Variants in CCDC146 observed in about 807,000 individuals in gnomAD.
CCDC146 encodes the protein coiled-coil domain containing 146.
A neutral mutation model predicts 119.3 loss-of-function variants in CCDC146; 92 were observed. The ratio of observed to expected loss-of-function variants is 0.77; its 90% confidence interval spans 0.65 to 0.92. CCDC146 has a LOEUF of 0.92. Among genes scored for constraint, CCDC146 ranks in the 40% least tolerant of loss-of-function variants. The pLI is 0.00. For synonymous variants in CCDC146, 372 were observed against 371.8 expected, an observed-to-expected ratio of 1.00 and a Z score of -0.01; for missense variants, 1,000 against 1,103.0, an observed-to-expected ratio of 0.91 and a Z score of 1.32.
rs370820524 is a variant in CCDC146, at chr7:77,142,395, TATGTATACATGTGCCATGTGTAC to T, written c.-12+19700_-12+19722del. Among the ~76,000 whole-genome samples the T allele has an allele frequency of 7.1e-3, 1,073 of 151,490 alleles. 52 individuals carry two copies. The East Asian group carries it at 0.14, about 20-fold the overall frequency. On this transcript the variant is annotated intron_variant, in intron 1 of 18. Coordinates refer to ENST00000285871, the MANE Select transcript of CCDC146 (RefSeq NM_020879.3). Reference sequence around the variant, plus strand: ...GTGCACAACGTGCAGGTTTGTTACATATGTATACATGTGCCATGTGTACATGTATACATGTGCCATGTGTACAT... The same window carrying T: ...GTGCACAACGTGCAGGTTTGTTACATATGTATACATGTGCCATGTGTACAT...
intron 11 of CCDC146, among the ~76,000 whole-genome samples, chr7:77,274,877 G>A (rs1229804745): frequency 6.6e-6 from 1 of 152,156 alleles, no homozygotes; most frequent in Non-Finnish European, 1.5e-5. Flanking sequence ...GGGGCCTGTT[G>A]TGGGGTGAGG....
At chr7:77,179,293 T>C (rs1353086253) in intron 2 of CCDC146, among the ~76,000 whole-genome samples, 4 of 152,038 alleles carry the variant, frequency 2.6e-5, no homozygotes, top group African/African-American at 4.8e-5. Context: ...ATAAAATATA[T>C]ACATAGTACA....
chr7:77,259,951 T>C (rs1224232179), intron 7 of CCDC146, 58 bp from the exon 8 acceptor site: 16 of 41,770 alleles, frequency 3.8e-4, no homozygotes, highest in African/African-American at 3.5e-3. Flanking sequence ...TGTGTGTGTG[T>C]GTGTGTGTGT....
At chr7:77,238,686 G>A (rs1402047005) in intron 3 of CCDC146, among the ~76,000 whole-genome samples, 1 of 152,118 alleles carries the variant, frequency 6.6e-6, no homozygotes, top group Non-Finnish European at 1.5e-5. Flanking sequence ...CAAAGTGCTG[G>A]GATTACAGGC....
chr7:77,125,327 CA>C (rs1480762760), intron 1 of CCDC146, among the ~76,000 whole-genome samples: 1 of 150,436 alleles, frequency 6.6e-6, no homozygotes, highest in Non-Finnish European at 1.5e-5. Flanking sequence ...AGAATATATA[CA>C]AAATTGCACG....
rs757008063 is a variant in CCDC146, at chr7:77,292,998, T to C, written c.2462T>C (p.Met821Thr). 1 of 1,613,978 alleles carries C rather than the reference T, an allele frequency of 6.2e-7. No individual in the cohort carries two copies. Among genetic ancestry groups the C allele is most frequent in the Non-Finnish European group, 8.5e-7 (1 of 1,179,958 alleles). Reference protein sequence around the residue: ...RRIKNATEKMMALVAELSMKQ... With the variant: ...RRIKNATEKMTALVAELSMKQ... ...ATCAAAAATGCAACTGAGAAAATGATGGCTCTTGTTGCTGAGCTGTCCATG... is the reference window on the plus strand; with the variant it reads ...ATCAAAAATGCAACTGAGAAAATGACGGCTCTTGTTGCTGAGCTGTCCATG... The change falls in exon 18 of 19, where the codon ATG becomes ACG. Residue 821 changes from methionine (M) to threonine (T), a missense_variant. Physicochemically the swap from Met to Thr is moderately conservative, Grantham distance 81 (BLOSUM62 -1). Coordinates refer to ENST00000285871, the MANE Select transcript of CCDC146 (RefSeq NM_020879.3).
At chr7:77,227,962 A>T (rs751752076) in intron 2 of CCDC146, among the ~76,000 whole-genome samples, 3 of 152,202 alleles carry the variant, frequency 2.0e-5, no homozygotes, top group Non-Finnish European at 2.9e-5. Flanking sequence ...GTAAAATAAG[A>T]TCATCTTCTA....
intron 2 of CCDC146, chr7:77,199,720 T>C (rs1196137325): frequency 6.2e-7 from 1 of 1,614,138 alleles, no homozygotes; most frequent in Non-Finnish European, 8.5e-7. Flanking sequence ...CTCTGTTTCA[T>C]TGTTTGCCAC....
chr7:77,188,001 G>A (rs967033413), intron 2 of CCDC146, among the ~76,000 whole-genome samples: 5 of 152,170 alleles, frequency 3.3e-5, no homozygotes, highest in South Asian at 2.1e-4. Flanking sequence ...TTCAAACTGC[G>A]TTCAAAATAA....
At chr7:77,267,063 T>C (rs1793419873) in intron 9 of CCDC146, among the ~76,000 whole-genome samples, 1 of 150,612 alleles carries the variant, frequency 6.6e-6, no homozygotes, top group Admixed American at 6.6e-5. Flanking sequence ...ACCGTGTCGG[T>C]TCACTGCAAC....
intron 1 of CCDC146, among the ~76,000 whole-genome samples, chr7:77,151,546 G>A (rs377371417): frequency 3.3e-5 from 5 of 152,038 alleles, no homozygotes; most frequent in African/African-American, 1.2e-4. Context: ...AACTGTCAAC[G>A]TTTGTAAAAT....
chr7:77,209,457 C>T (rs1792141981), intron 2 of CCDC146, among the ~76,000 whole-genome samples: 1 of 152,336 alleles, frequency 6.6e-6, no homozygotes, highest in Non-Finnish European at 1.5e-5. Context: ...AGCCCCTGCA[C>T]CTGCTTTCAT....
intron 9 of CCDC146, among the ~76,000 whole-genome samples, chr7:77,271,364 A>G (rs983729012): frequency 1.3e-5 from 2 of 151,044 alleles, no homozygotes; most frequent in Admixed American, 6.6e-5. Flanking sequence ...TCGGACTCCA[A>G]GTTTCTTCAG....
intron 2 of CCDC146, among the ~76,000 whole-genome samples, chr7:77,180,595 G>A (rs1401736167): frequency 6.6e-6 from 1 of 152,088 alleles, no homozygotes; most frequent in African/African-American, 2.4e-5. Flanking sequence ...CTACTTGGGA[G>A]GCTGAGGTCA....
chr7:77,159,228 A>C (rs960692482), intron 1 of CCDC146, among the ~76,000 whole-genome samples: 7 of 152,060 alleles, frequency 4.6e-5, no homozygotes, highest in African/African-American at 1.4e-4. Flanking sequence ...AGCTACAGGC[A>C]CTATGCTGTC....
At chr7:77,290,096 A>G (rs112314139) in intron 17 of CCDC146, among the ~76,000 whole-genome samples, 2,627 of 152,234 alleles carry the variant, frequency 0.017, 85 homozygotes, top group African/African-American at 0.059. Context: ...TTGTAGGGAC[A>G]TGGATGAAGC....
chr7:77,199,676 G>A, intron 2 of CCDC146: 2 of 1,614,144 alleles, frequency 1.2e-6, no homozygotes, highest in South Asian at 1.1e-5. Context: ...AGTCTCACTG[G>A]GCAGACATCC....
chr7:77,278,113 C>T (rs556140674), intron 11 of CCDC146, among the ~76,000 whole-genome samples: 129 of 152,312 alleles, frequency 8.5e-4, no homozygotes, highest in African/African-American at 2.9e-3. Context: ...TCTGACAAAA[C>T]ACCACAGAGG....
At chr7:77,195,480 G>A (rs1233769237) in intron 2 of CCDC146, 1 of 151,932 alleles carries the variant, frequency 6.6e-6, no homozygotes, top group African/African-American at 2.4e-5. Context: ...CCTTAGTCTG[G>A]GAACCAAAAT....
Sources: allele counts gnomAD v4.1 joint callset (sites outside exome capture counted in the v4.1 genomes callset), GRCh38; gene constraint gnomAD v4.1.1; transcripts MANE v1.5; gene names NCBI Gene and HGNC (gene_info 2026-07-23, HGNC 2026-07-21).